PTPN3: variants seen among roughly 807,000 people sequenced by gnomAD.
PTPN3 encodes tyrosine-protein phosphatase non-receptor type 3.
In PTPN3, 96 loss-of-function variants were observed where a neutral mutation model predicts 132.7. That is an observed-to-expected ratio of 0.72 (90% CI 0.61 to 0.86). PTPN3 has a LOEUF of 0.86. PTPN3 is among the 40% of genes least tolerant of loss of function. The pLI, the probability that PTPN3 is intolerant of heterozygous loss-of-function variation, is 0.00. For synonymous variants in PTPN3, 398 were observed against 429.0 expected, an observed-to-expected ratio of 0.93 and a Z score of 0.89; for missense variants, 1,125 against 1,159.6, an observed-to-expected ratio of 0.97 and a Z score of 0.43.
chr9:109,393,839 G>GT (rs1440604440), intron 19 of PTPN3, among the ~76,000 whole-genome samples: 1 of 152,110 alleles, frequency 6.6e-6, no homozygotes, highest in Non-Finnish European at 1.5e-5. Flanking sequence ...CTGTTAGTCT[G>GT]TTTTTTCTCT....
At chr9:109,474,794 G>C (rs1046990120) in intron 1 of PTPN3, among the ~76,000 whole-genome samples, 1 of 152,124 alleles carries the variant, frequency 6.6e-6, no homozygotes, top group Non-Finnish European at 1.5e-5. Flanking sequence ...AAGGCTGTGG[G>C]AAAGTTACCA....
intron 14 of PTPN3, among the ~76,000 whole-genome samples, chr9:109,416,727 A>T (rs191185774): frequency 4.3e-4 from 66 of 152,250 alleles, no homozygotes; most frequent in African/African-American, 1.6e-3. Flanking sequence ...GATTATAGGT[A>T]TGAGCCACTA....
At chr9:109,531,098 T>A in the PTPN3 span, among the ~76,000 whole-genome samples, 6 of 152,232 alleles carry the variant, frequency 3.9e-5, no homozygotes, top group Non-Finnish European at 8.8e-5. Context: ...TATTTTGGCT[T>A]TTGTTGCCTG....
chr9:109,505,079 G>C, the PTPN3 span, among the ~76,000 whole-genome samples: 3 of 152,170 alleles, frequency 2.0e-5, no homozygotes, highest in Non-Finnish European at 4.4e-5. Flanking sequence ...ATCCCTAATA[G>C]AGGATTCTAG....
chr9:109,494,624 CCA>C (rs1402726503), intron 1 of PTPN3, among the ~76,000 whole-genome samples: 1 of 152,180 alleles, frequency 6.6e-6, no homozygotes, highest in African/African-American at 2.4e-5. Flanking sequence ...GAACTACGCT[CCA>C]CAGTGTCTCC....
intron 11 of PTPN3, 74 bp downstream of exon 11, chr9:109,428,547 C>G: frequency 6.7e-7 from 1 of 1,498,298 alleles, no homozygotes; most frequent in Non-Finnish European, 9.1e-7. Flanking sequence ...GTTTGGGCAA[C>G]ATAGCGAGAC....
At chr9:109,426,728 C>T (rs1843308119) in intron 12 of PTPN3, among the ~76,000 whole-genome samples, 1 of 152,130 alleles carries the variant, frequency 6.6e-6, no homozygotes. Flanking sequence ...CTTGGAAGTG[C>T]TGAGTTCAGC....
At chr9:109,478,474 T>G (rs1405700928) in intron 1 of PTPN3, among the ~76,000 whole-genome samples, 4 of 152,010 alleles carry the variant, frequency 2.6e-5, no homozygotes, top group Admixed American at 1.3e-4. Context: ...TCAGAAAGAA[T>G]CCACAGTAAA....
intron 1 of PTPN3, among the ~76,000 whole-genome samples, chr9:109,472,008 G>A (rs1846407354): frequency 6.6e-6 from 1 of 152,182 alleles, no homozygotes; most frequent in Non-Finnish European, 1.5e-5. Flanking sequence ...ACCTCCCAGA[G>A]CTAAATAGAG....
intron 2 of PTPN3, among the ~76,000 whole-genome samples, chr9:109,460,643 C>A (rs1384004592): frequency 6.6e-6 from 1 of 152,220 alleles, no homozygotes; most frequent in African/African-American, 2.4e-5. Context: ...TGTGCTCCCT[C>A]CAGATGAACG....
intron 1 of PTPN3, among the ~76,000 whole-genome samples, chr9:109,474,482 G>C (rs921683577): frequency 6.6e-6 from 1 of 152,148 alleles, no homozygotes; most frequent in Admixed American, 6.5e-5. Context: ...GGAACACAAG[G>C]AGGGCTCTGG....
the PTPN3 span, chr9:109,533,357 G>C: frequency 3.5e-6 from 2 of 573,004 alleles, no homozygotes; most frequent in Non-Finnish European, 6.2e-6. Flanking sequence ...TGTTAGCCAG[G>C]ATGGTCTCGA....
chr9:109,438,611 C>T (rs1457743314), intron 7 of PTPN3, among the ~76,000 whole-genome samples: 1 of 152,228 alleles, frequency 6.6e-6, no homozygotes, highest in Non-Finnish European at 1.5e-5. Flanking sequence ...GGAAATGCCA[C>T]AATCCATATG....
At chr9:109,508,577 G>A in the PTPN3 span, among the ~76,000 whole-genome samples, 1 of 152,174 alleles carries the variant, frequency 6.6e-6, no homozygotes, top group African/African-American at 2.4e-5. Context: ...TTATGTCTAA[G>A]CAAGATATGT....
At chr9:109,484,486 G>A (rs1847120650) in intron 1 of PTPN3, among the ~76,000 whole-genome samples, 1 of 152,220 alleles carries the variant, frequency 6.6e-6, no homozygotes, top group South Asian at 2.1e-4. Flanking sequence ...TTGGAGCTGA[G>A]GATGGACATC....
At chr9:109,401,594 A>G (rs1339622094) in intron 19 of PTPN3, among the ~76,000 whole-genome samples, 1 of 152,248 alleles carries the variant, frequency 6.6e-6, no homozygotes, top group Non-Finnish European at 1.5e-5. Context: ...ATGAACACCG[A>G]AAACACCAGC....
chr9:109,404,774 G>T (rs557768894), intron 18 of PTPN3, among the ~76,000 whole-genome samples, 166 bp from the exon 19 acceptor site: 1 of 152,126 alleles, frequency 6.6e-6, no homozygotes, highest in Non-Finnish European at 1.5e-5. Context: ...CTACTTCTAG[G>T]TGAATGATTC....
chr9:109,410,261 T>C lies in PTPN3; in HGVS notation c.1468A>G (p.Thr490Ala). 6.2e-7 allele frequency: 1 copy of C among 1,614,104 alleles called. No homozygotes were observed. Among genetic ancestry groups the C allele is most frequent in the Non-Finnish European group, 8.5e-7 (1 of 1,180,000 alleles). Residue 490 changes from threonine (T) to alanine (A), a missense_variant, in exon 15 of 26, where the codon ACC (threonine) becomes GCC (alanine). Coordinates refer to ENST00000374541, the MANE Select transcript of PTPN3 (RefSeq NM_002829.4). The part of the protein sequence containing the change: ...DFHRVTKGGS[T>A]EDASQYYCDK... ...CAGTAGTACTGGCTGGCGTCCTCGG[T>C]GGAGCCCCCTTTGGTCACCCTGTGG...
chr9:109,401,119 G>C (rs964011190), intron 19 of PTPN3, among the ~76,000 whole-genome samples: 1 of 152,252 alleles, frequency 6.6e-6, no homozygotes. Flanking sequence ...TTGAGGAACT[G>C]TATAGACAAA....
Sources: allele counts gnomAD v4.1 joint callset (sites outside exome capture counted in the v4.1 genomes callset), GRCh38; gene constraint gnomAD v4.1.1; transcripts MANE v1.5; gene names NCBI Gene and HGNC (gene_info 2026-07-23, HGNC 2026-07-21).